Variants in GNB5 observed in about 807,000 individuals in gnomAD.
GNB5 encodes guanine nucleotide-binding protein subunit beta-5.
GNB5 carries 37 observed loss-of-function variants against 55.3 expected under a neutral mutation model. The observed-to-expected ratio is 0.67, with a 90% CI of 0.51 to 0.88. The LOEUF (loss-of-function observed/expected upper bound fraction) is 0.88. Among genes scored for constraint, GNB5 ranks in the 40% least tolerant of loss-of-function variants. GNB5 has a pLI of 0.00. For missense variants in GNB5, 476 were observed against 515.3 expected (o/e 0.92, Z 0.74); for synonymous variants, 219 against 198.5 (o/e 1.10, Z -0.87).
At chr15:52,125,101 A>C (rs1483153947) in intron 11 of GNB5, 2 of 155,776 alleles carry the variant, frequency 1.3e-5, no homozygotes, top group Non-Finnish European at 2.8e-5. Flanking sequence ...CAGGAACTTC[A>C]CGTGCAGTTA....
chr15:52,181,810 T>A (rs1284095280), intron 2 of GNB5, among the ~76,000 whole-genome samples: 1 of 152,116 alleles, frequency 6.6e-6, no homozygotes, highest in African/African-American at 2.4e-5. Flanking sequence ...ATATGGTAGG[T>A]GCTCAGTTAA....
chr15:52,168,116 C>T (rs1192499121), intron 3 of GNB5, among the ~76,000 whole-genome samples: 1 of 152,208 alleles, frequency 6.6e-6, no homozygotes, highest in Non-Finnish European at 1.5e-5. Context: ...TCTCTCTCCA[C>T]TCCTATTCAA....
At chr15:52,173,302 T>C (rs556714161) in intron 3 of GNB5, among the ~76,000 whole-genome samples, 1 of 152,368 alleles carries the variant, frequency 6.6e-6, no homozygotes, top group South Asian at 2.1e-4. Context: ...CTTGATCTCC[T>C]GGGCTCAAGT....
intron 2 of GNB5, among the ~76,000 whole-genome samples, chr15:52,181,474 G>A (rs540665163): frequency 7.2e-5 from 11 of 152,216 alleles, no homozygotes; most frequent in Admixed American, 1.3e-4. Context: ...AAATTAGTCG[G>A]GCGTGGTGGT....
intron 9 of GNB5, among the ~76,000 whole-genome samples, chr15:52,133,049 A>G (rs1016861830): frequency 1.3e-5 from 2 of 152,226 alleles, no homozygotes; most frequent in Non-Finnish European, 2.9e-5. Context: ...GTAAGAGAAT[A>G]GAGACCTTGT....
At chr15:52,137,704 G>A (rs2033757319) in intron 7 of GNB5, 2 of 1,186,232 alleles carry the variant, frequency 1.7e-6, no homozygotes, top group Admixed American at 3.7e-5. Flanking sequence ...ATACCTTCCT[G>A]GGATTGGGAG....
At chr15:52,131,344 GATTTAAAGTACACGGGAGAAT>G (rs2033568390) in intron 9 of GNB5, among the ~76,000 whole-genome samples, 1 of 152,134 alleles carries the variant, frequency 6.6e-6, no homozygotes, top group Admixed American at 6.5e-5. Context: ...ATTGAGAGAT[GATTTAAAGTACACGGGAGAAT>G]GTGCATAGGC....
In GNB5 at chr15:52,146,647, C is replaced by A. The variant is rs369764373; in HGVS notation, c.494+812G>T. Among the ~76,000 whole-genome samples, 411 of 152,212 alleles carry A rather than the reference C, an allele frequency of 2.7e-3. 3 individuals are homozygous for A. Among genetic ancestry groups the A allele is most frequent in the African/African-American group, 9.7e-3 (402 of 41,520 alleles). On this transcript the variant is annotated intron_variant, in intron 6 of 12. Coordinates refer to ENST00000261837, the MANE Select transcript of GNB5 (RefSeq NM_016194.4). ...TGGCATGATCACAGCTTACTGTAGC[C>A]TTAATCTCCCAGGCTCAAGCAGTCC...
At position 52,153,974 on chromosome 15, in the gene GNB5, C is replaced by T. The variant is rs2034154977; in HGVS notation, c.341G>A (p.Cys114Tyr). The change falls in exon 4 of 13, where the codon TGC becomes TAC. Residue 114 changes from cysteine to tyrosine, a missense_variant. Coordinates refer to ENST00000261837, the MANE Select transcript of GNB5 (RefSeq NM_016194.4). ...GCTCACGATCCTCCTCTTATCTTTG[C>T]ACCAGTCCATGCACAGGACTTTGTT... is the stretch of plus-strand genomic sequence containing the variant. ...HGNKVLCMDW[C>Y]KDKRRIVSSS... The T allele has an allele frequency of 1.2e-6, 2 of 1,613,868 alleles. No individual in the cohort carries two copies. The highest frequency in any genetic ancestry group is 1.1e-5 in the South Asian group (1 of 91,060).
chr15:52,139,195 A>T (rs532776570), intron 7 of GNB5, among the ~76,000 whole-genome samples: 138 of 152,230 alleles, frequency 9.1e-4, no homozygotes, highest in Middle Eastern at 6.3e-3. Context: ...TAATCCCAGC[A>T]CTTTGGGAGG....
At chr15:52,134,097 G>A (rs10162634) in intron 8 of GNB5, among the ~76,000 whole-genome samples, 25,163 of 152,188 alleles carry the variant, frequency 0.17, 2,176 homozygotes, top group South Asian at 0.24. Flanking sequence ...CTCCCTGGGC[G>A]TCTGCCTCAA....
At chr15:52,168,450 G>A (rs2034493072) in intron 3 of GNB5, among the ~76,000 whole-genome samples, 1 of 152,142 alleles carries the variant, frequency 6.6e-6, no homozygotes. Context: ...ACAAACCACT[G>A]CTCAAGGAGA....
At chr15:52,131,960 C>T (rs1444471412) in intron 9 of GNB5, among the ~76,000 whole-genome samples, 1 of 152,120 alleles carries the variant, frequency 6.6e-6, no homozygotes, top group East Asian at 1.9e-4. Context: ...CTAATTAGCC[C>T]CCAAAAGAAC....
At chr15:52,171,007 G>A (rs928480749) in intron 3 of GNB5, among the ~76,000 whole-genome samples, 10 of 147,966 alleles carry the variant, frequency 6.8e-5, no homozygotes, top group African/African-American at 2.5e-4. Context: ...GGCAAGAGAA[G>A]CACTTCAATC....
chr15:52,124,005 CAAAAAAAAAAA>C (rs56008657), intron 12 of GNB5, among the ~76,000 whole-genome samples: 10 of 84,408 alleles, frequency 1.2e-4, no homozygotes, highest in Admixed American at 1.0e-3. Context: ...ATAGAAAAAC[CAAAAAAAAAAA>C]AAAAAAAAAA....
chr15:52,147,582 C>CA, intron 5 of GNB5, 47 bp from the exon 6 acceptor site: 6 of 804,698 alleles, frequency 7.5e-6, no homozygotes, highest in Admixed American at 2.9e-5. Context: ...ACACAAAAAT[C>CA]TTTTTTTTTT....
At chr15:52,151,556 C>G (rs2034097428) in intron 4 of GNB5, among the ~76,000 whole-genome samples, 2 of 152,196 alleles carry the variant, frequency 1.3e-5, no homozygotes, top group Non-Finnish European at 1.5e-5. Context: ...GTTCCAGAGG[C>G]TTCCTGCTTT....
At chr15:52,166,475 C>A (rs1259867576) in intron 3 of GNB5, among the ~76,000 whole-genome samples, 1 of 152,052 alleles carries the variant, frequency 6.6e-6, no homozygotes, top group African/African-American at 2.4e-5. Flanking sequence ...GAACTGAAAT[C>A]ATAACAGTCT....
At chr15:52,175,324 C>T (rs532601696) in intron 3 of GNB5, among the ~76,000 whole-genome samples, 1 of 152,338 alleles carries the variant, frequency 6.6e-6, no homozygotes, top group South Asian at 2.1e-4. Context: ...TCTGGCCACA[C>T]ATTCCCAATT....
Sources: allele counts gnomAD v4.1 joint callset (sites outside exome capture counted in the v4.1 genomes callset), GRCh38; gene constraint gnomAD v4.1.1; transcripts MANE v1.5; gene names NCBI Gene and HGNC (gene_info 2026-07-23, HGNC 2026-07-21).